NKAIN2: variants seen among roughly 807,000 people sequenced by gnomAD.
NKAIN2 encodes sodium/potassium-transporting ATPase subunit beta-1-interacting protein 2.
Under a neutral mutation model 32.6 loss-of-function variants are expected in NKAIN2, and 14 were observed. The ratio of observed to expected loss-of-function variants is 0.43; its 90% CI spans 0.28 to 0.67. The LOEUF (loss-of-function observed/expected upper bound fraction) is 0.67. NKAIN2 is among the 30% of genes least tolerant of loss of function. The pLI is 0.17. For missense variants in NKAIN2, 198 were observed against 258.3 expected (o/e 0.77, Z 1.60); for synonymous variants, 80 against 87.2 (o/e 0.92, Z 0.46).
intron 1 of NKAIN2, among the ~76,000 whole-genome samples, chr6:124,106,306 T>C (rs17629780): frequency 0.043 from 6,490 of 152,206 alleles, 207 homozygotes; most frequent in Non-Finnish European, 0.069. Flanking sequence ...CAACCTGGAA[T>C]GAGAAGAAGG....
At chr6:124,346,325 A>G (rs992195625) in intron 2 of NKAIN2, among the ~76,000 whole-genome samples, 23 of 152,044 alleles carry the variant, frequency 1.5e-4, no homozygotes, top group Non-Finnish European at 2.2e-4. Flanking sequence ...TTTAGGGTGG[A>G]GAGTTCTGTA....
At chr6:124,807,667 C>G (rs1371901296) in intron 5 of NKAIN2, among the ~76,000 whole-genome samples, 2 of 149,282 alleles carry the variant, frequency 1.3e-5, no homozygotes, top group Non-Finnish European at 3.0e-5. Context: ...AATAGAGACA[C>G]AAAAAACCCT....
chr6:123,827,386 T>C (rs755877886), intron 1 of NKAIN2, among the ~76,000 whole-genome samples: 12 of 152,178 alleles, frequency 7.9e-5, no homozygotes, highest in Non-Finnish European at 1.5e-4. Flanking sequence ...GCAGCTTTTA[T>C]TTATTTGCTT....
chr6:124,541,373 T>C (rs554481316), intron 3 of NKAIN2, among the ~76,000 whole-genome samples: 32 of 152,124 alleles, frequency 2.1e-4, no homozygotes, highest in Non-Finnish European at 4.1e-4. Context: ...TCCCCATTCA[T>C]ACAACAAAAA....
At chr6:124,821,405 T>A (rs184254555) in intron 6 of NKAIN2, among the ~76,000 whole-genome samples, 1 of 152,190 alleles carries the variant, frequency 6.6e-6, no homozygotes, top group Non-Finnish European at 1.5e-5. Flanking sequence ...CCAATAAATA[T>A]GATCAAGCTG....
rs1159508863 is a variant in NKAIN2 at position 124,357,983 on chromosome 6, T to A, written c.273+2636T>A. On this transcript the variant is annotated intron_variant, in intron 3 of 6. Coordinates refer to ENST00000368417, the MANE Select transcript of NKAIN2 (RefSeq NM_001040214.3). ...ATGTTCCCCTTCCTGTGTTCATGTGTTCTCATTGTTCAATTCCCGTCTATG... is the reference window on the plus strand; with the variant it reads ...ATGTTCCCCTTCCTGTGTTCATGTGATCTCATTGTTCAATTCCCGTCTATG... Among the ~76,000 whole-genome samples the A allele has an allele frequency of 2.0e-5, 3 of 152,150 alleles. No homozygotes were observed. In the East Asian group the frequency reaches 5.8e-4, roughly 29 times the overall value.
intron 3 of NKAIN2, among the ~76,000 whole-genome samples, chr6:124,480,761 C>T (rs1055955188): frequency 2.0e-5 from 3 of 151,740 alleles, no homozygotes; most frequent in African/African-American, 7.3e-5. Flanking sequence ...CTATTTGTTG[C>T]CGTGTTAATA....
At chr6:124,410,639 A>G (rs1271317630) in intron 3 of NKAIN2, among the ~76,000 whole-genome samples, 4 of 152,060 alleles carry the variant, frequency 2.6e-5, no homozygotes, top group Non-Finnish European at 4.4e-5. Context: ...TTTGGAATAC[A>G]TGTGGTGTGG....
chr6:124,383,308 C>T (rs1412948847), intron 3 of NKAIN2, among the ~76,000 whole-genome samples: 1 of 152,142 alleles, frequency 6.6e-6, no homozygotes, highest in African/African-American at 2.4e-5. Flanking sequence ...GTTTGACTCT[C>T]TCCAATCCAT....
chr6:124,156,239 G>A (rs148853054), intron 1 of NKAIN2, among the ~76,000 whole-genome samples: 2 of 152,290 alleles, frequency 1.3e-5, no homozygotes, highest in Non-Finnish European at 2.9e-5. Context: ...AAGTGGAATG[G>A]ACTATATGTT....
At chr6:124,749,600 G>C (rs900853779) in intron 4 of NKAIN2, among the ~76,000 whole-genome samples, 1 of 151,848 alleles carries the variant, frequency 6.6e-6, no homozygotes, top group Non-Finnish European at 1.5e-5. Flanking sequence ...TGTGTGCATC[G>C]TCATACTGGG....
At chr6:124,290,190 A>C (rs987729904) in intron 2 of NKAIN2, among the ~76,000 whole-genome samples, 1 of 152,182 alleles carries the variant, frequency 6.6e-6, no homozygotes, top group Non-Finnish European at 1.5e-5. Flanking sequence ...TTTATTCTAC[A>C]AGAAGATACT....
rs544839448 is a variant in NKAIN2 at position 124,190,282 on chromosome 6, T to TA, written c.55-92720dup. The stretch of plus-strand genomic sequence containing the variant: ...GGGTTATCCTGAGGCTCAAATGAGG[T>TA]AAAGCACTTTGTAAATTATAAAGCA... On this transcript the variant is annotated intron_variant, in intron 1 of 6. Coordinates refer to ENST00000368417, the MANE Select transcript of NKAIN2 (RefSeq NM_001040214.3). 3.5e-4 allele frequency among the ~76,000 whole-genome samples: 54 copies of TA among 152,338 alleles called. 1 individual carries two copies. The South Asian group carries it at 0.01, about 29-fold the overall frequency.
intron 1 of NKAIN2, among the ~76,000 whole-genome samples, chr6:124,102,933 C>T (rs534545739): frequency 2.6e-5 from 4 of 151,952 alleles, no homozygotes; most frequent in Admixed American, 1.3e-4. Context: ...GTTTTTTGAT[C>T]GATCGATTAT....
At chr6:124,151,365 A>G (rs1321389290) in intron 1 of NKAIN2, among the ~76,000 whole-genome samples, 1 of 152,076 alleles carries the variant, frequency 6.6e-6, no homozygotes, top group East Asian at 1.9e-4. Flanking sequence ...ACAACGTCCC[A>G]TATCAAGATT....
At chr6:124,039,141 C>G (rs935019278) in intron 1 of NKAIN2, among the ~76,000 whole-genome samples, 1 of 151,936 alleles carries the variant, frequency 6.6e-6, no homozygotes, top group Non-Finnish European at 1.5e-5. Context: ...CAAATACACA[C>G]AAGGTTGCTA....
intron 1 of NKAIN2, among the ~76,000 whole-genome samples, chr6:124,010,593 C>T (rs1780278058): frequency 6.6e-6 from 1 of 150,678 alleles, no homozygotes; most frequent in African/African-American, 2.4e-5. Flanking sequence ...ACTGGCTTAT[C>T]AGCTGTGGGT....
intron 1 of NKAIN2, among the ~76,000 whole-genome samples, chr6:123,985,917 A>T (rs780205807): frequency 3.3e-5 from 5 of 152,118 alleles, no homozygotes; most frequent in Admixed American, 2.0e-4. Flanking sequence ...CAGGAAAGAG[A>T]TGTAATGTAT....
intron 3 of NKAIN2, among the ~76,000 whole-genome samples, chr6:124,504,037 T>A (rs1188464124): frequency 2.6e-5 from 4 of 152,138 alleles, no homozygotes; most frequent in Non-Finnish European, 5.9e-5. Context: ...AACATTAGCC[T>A]AGTCTGTATT....
Sources: allele counts gnomAD v4.1 joint callset (sites outside exome capture counted in the v4.1 genomes callset), GRCh38; gene constraint gnomAD v4.1.1; transcripts MANE v1.5; gene names NCBI Gene and HGNC (gene_info 2026-07-23, HGNC 2026-07-21).